The following ZNF30 variants were observed in gnomAD, a reference collection of about 807,000 sequenced individuals.
ZNF30 encodes zinc finger protein 30 (KOX 28).
In ZNF30, 15 loss-of-function variants were observed where a neutral mutation model predicts 13.2. The ratio of observed to expected loss-of-function variants is 1.13; its 90% CI spans 0.76 to 1.75. The LOEUF is 1.75. ZNF30 is among the 40% of genes most tolerant of loss of function. ZNF30 has a pLI of 0.00. For synonymous variants in ZNF30, 223 were observed against 256.6 expected (o/e 0.87, Z 1.25); for missense variants, 726 against 757.0 (o/e 0.96, Z 0.48).
intron 1 of ZNF30, among the ~76,000 whole-genome samples, chr19:34,927,645 A>C (rs367728100): frequency 1.1e-3 from 171 of 152,364 alleles, no homozygotes; most frequent in African/African-American, 3.8e-3. Context: ...GTAAGAAAGG[A>C]GAGCAAGATG....
chr19:34,930,030 A>T, intron 2 of ZNF30, 74 bp downstream of exon 2: 2 of 1,413,082 alleles, frequency 1.4e-6, no homozygotes, highest in African/African-American at 1.4e-5. Context: ...GACCTGAAGC[A>T]TTCTTCATCA....
chr19:34,929,011 G>T (rs1455771756), intron 1 of ZNF30, among the ~76,000 whole-genome samples: 1 of 152,088 alleles, frequency 6.6e-6, no homozygotes, highest in African/African-American at 2.4e-5. Flanking sequence ...GGCTGCGCGC[G>T]GTGGCTCACG....
At chr19:34,927,728 A>C (rs1218410442) in intron 1 of ZNF30, among the ~76,000 whole-genome samples, 1 of 152,190 alleles carries the variant, frequency 6.6e-6, no homozygotes, top group African/African-American at 2.4e-5. Context: ...AGGTTCTTCA[A>C]TTTTGCATTA....
chr19:34,944,965 A>G lies in ZNF30; in HGVS notation c.*127A>G. 1 of 850,894 alleles carries G rather than the reference A, an allele frequency of 1.2e-6. No individual in the cohort carries two copies. The highest frequency in any genetic ancestry group is 1.7e-5 in the African/African-American group (1 of 59,022). 52.7% of individuals were successfully genotyped at this position (850,894 alleles called of 1,614,324 possible). A position where few individuals can be genotyped will look rare whatever the true frequency, so the allele number is the denominator to read the frequency against. The stretch of plus-strand genomic sequence containing the variant: ...CAGGTCTATTCTCATCTTATAATTC[A>G]TAATATAACTCAGAAAACATAAGAA... On this transcript the variant is annotated 3_prime_UTR_variant, in exon 5 of 5. Transcript: ENST00000601142.
chr19:34,930,305 CAGA>C (rs994732200), intron 2 of ZNF30, among the ~76,000 whole-genome samples: 20 of 152,168 alleles, frequency 1.3e-4, no homozygotes, highest in African/African-American at 4.8e-4. Flanking sequence ...GGCCACACAT[CAGA>C]AGATTTGAAG....
chr19:34,944,263 T>C lies in ZNF30; in HGVS notation c.1297T>C (p.Cys433Arg). 6.2e-7 allele frequency: 1 copy of C among 1,613,356 alleles called. No homozygotes were observed. The highest frequency in any genetic ancestry group is 1.1e-5 in the South Asian group (1 of 91,052). Residue 433 changes from cysteine to arginine, a missense_variant, in exon 5 of 5, where the codon TGT becomes CGT. By Grantham distance (180) the Cys-to-Arg change is radical. Transcript: ENST00000601142. ...GGAGAAACCCTATGAATGTAAGGAA[T>C]GTGGCAAAGCCTTTATTAGTCGCCA... ...TGEKPYECKECGKAFISRHQL... is the reference protein window; with the variant it reads ...TGEKPYECKERGKAFISRHQL...
intron 3 of ZNF30, 36 bp downstream of exon 3, chr19:34,932,029 T>C (rs771550724): frequency 1.3e-6 from 2 of 1,539,600 alleles, no homozygotes; most frequent in Non-Finnish European, 1.7e-6. Context: ...GAGAATCTGC[T>C]CCCTGTTATA....
chr19:34,929,450 C>G (rs1179942385), intron 1 of ZNF30, among the ~76,000 whole-genome samples: 4 of 152,200 alleles, frequency 2.6e-5, no homozygotes, highest in African/African-American at 9.6e-5. Context: ...ATATTAGTAA[C>G]TGCCTGATCA....
Position 34,933,624 on chromosome 19 carries a change from G to A in ZNF30, c.161-4G>A. Reference sequence around the variant, plus strand: ...TCTTTTCTACATTCTTATCTCATAAGCAGGACATTCCCGTTCTAAACCACA... The same window carrying A: ...TCTTTTCTACATTCTTATCTCATAAACAGGACATTCCCGTTCTAAACCACA... On this transcript the variant is annotated splice_region_variant and splice_polypyrimidine_tract_variant and intron_variant, in intron 3 of 4. Coordinates refer to ENST00000601142, the MANE Select transcript of ZNF30 (RefSeq NM_194325.3). 1.3e-6 allele frequency: 2 copies of A among 1,588,286 alleles called. No individual in the cohort carries two copies. Among genetic ancestry groups the A allele is most frequent in the Non-Finnish European group, 1.7e-6 (2 of 1,165,164 alleles).
At position 34,931,849 on chromosome 19, in the gene ZNF30, G is replaced by A. The variant is rs780908047; in HGVS notation, c.16G>A (p.Val6Met). 3 of 1,607,846 alleles carry A rather than the reference G, an allele frequency of 1.9e-6. No homozygotes were observed. The highest frequency in any genetic ancestry group is 2.2e-5 in the East Asian group (1 of 44,742). MAHKYVGLQYHGSVTF... is the reference protein window; with the variant it reads MAHKYMGLQYHGSVTF... ...TTTTCTTTGATTTTACCAGAAATAT[G>A]TGGGTTTGCAGTATCACGGATCAGT... Residue 6 changes from valine to methionine, a missense_variant, in exon 3 of 5, where the codon GTG becomes ATG. Transcript: ENST00000601142.
chr19:34,929,740 G>A (rs1482272093), intron 1 of ZNF30, 144 bp from the exon 2 acceptor site: 8 of 524,372 alleles, frequency 1.5e-5, no homozygotes, highest in Non-Finnish European at 1.7e-5. Flanking sequence ...TAGTTAACTG[G>A]GGCTTGAATT....
upstream of ZNF30, chr19:34,926,855 C>A (rs188804130): frequency 1.7e-3 from 694 of 397,364 alleles, 7 homozygotes; most frequent in African/African-American, 0.013. Flanking sequence ...CCTGCGCATT[C>A]TCAGCCGGAC....
chr19:34,937,835 G>A (rs908621187), intron 4 of ZNF30, among the ~76,000 whole-genome samples: 1 of 152,080 alleles, frequency 6.6e-6, no homozygotes, highest in Non-Finnish European at 1.5e-5. Flanking sequence ...GTCCCACTCT[G>A]TCACCCAGGC....
intron 4 of ZNF30, among the ~76,000 whole-genome samples, chr19:34,936,533 CAA>C (rs1009384833): frequency 2.6e-4 from 40 of 152,188 alleles, no homozygotes; most frequent in African/African-American, 8.9e-4. Flanking sequence ...CTCATCCAAG[CAA>C]AGATGCCAAG....
chr19:34,926,800 C>T (rs907631874), upstream of ZNF30: 1 of 395,974 alleles, frequency 2.5e-6, no homozygotes, highest in Non-Finnish European at 4.4e-6. Flanking sequence ...GTGTCAGACG[C>T]CCCAGCTTCG....
At chr19:34,931,744 TC>T in intron 2 of ZNF30, 98 bp from the exon 3 acceptor site, 3 of 1,251,430 alleles carry the variant, frequency 2.4e-6, no homozygotes, top group Non-Finnish European at 3.3e-6. Context: ...ATCATAAGCT[TC>T]CAGCCTATGT....
intron 4 of ZNF30, 68 bp downstream of exon 4, chr19:34,933,791 T>A: frequency 9.4e-7 from 1 of 1,068,498 alleles, no homozygotes; most frequent in Non-Finnish European, 1.4e-6. Context: ...AGGGAGGAAG[T>A]GCATCTCTGC....
In ZNF30 at chr19:34,944,045, A is replaced by G. The variant is rs747546108; in HGVS notation, c.1079A>G (p.His360Arg). 6 of 1,613,706 alleles carry G rather than the reference A, an allele frequency of 3.7e-6. No individual in the cohort carries two copies. In the African/African-American group the frequency reaches 4.0e-5, roughly 11 times the overall value. ...GKAFRLSSFL[H>R]AHQRIHAEIK... Reference sequence around the variant, plus strand: ...GCCTTTAGACTTAGTTCCTTCCTTCATGCACATCAGCGAATTCATGCAGAG... The same window carrying G: ...GCCTTTAGACTTAGTTCCTTCCTTCGTGCACATCAGCGAATTCATGCAGAG... The change falls in exon 5 of 5, where the codon CAT becomes CGT. Residue 360 changes from histidine to arginine, a missense_variant. His to Arg is a conservative substitution (Grantham distance 29). Coordinates refer to ENST00000601142, the MANE Select transcript of ZNF30 (RefSeq NM_194325.3).
At chr19:34,942,378 T>C (rs1313553307) in intron 4 of ZNF30, among the ~76,000 whole-genome samples, 3 of 151,238 alleles carry the variant, frequency 2.0e-5, no homozygotes, top group African/African-American at 7.3e-5. Context: ...GCCTGGGAGG[T>C]TGAGGCTGCA....
Sources: allele counts gnomAD v4.1 joint callset (sites outside exome capture counted in the v4.1 genomes callset), GRCh38; gene constraint gnomAD v4.1.1; transcripts MANE v1.5; gene names NCBI Gene and HGNC (gene_info 2026-07-23, HGNC 2026-07-21).